Variants in POLK observed in about 807,000 individuals in gnomAD.
The protein encoded by POLK is DNA polymerase kappa.
A neutral mutation model predicts 94.0 loss-of-function variants in POLK; 76 were observed. The ratio of observed to expected loss-of-function variants is 0.81; its 90% CI spans 0.67 to 0.98. The LOEUF (loss-of-function observed/expected upper bound fraction) is 0.98. Among genes scored for constraint, POLK ranks in the 50% least tolerant of loss-of-function variants. The probability of loss-of-function intolerance (pLI) is 0.00; values close to 1 mark genes in which losing one functional copy is unlikely to be tolerated. For missense variants in POLK, 954 were observed against 1,010.1 expected (o/e 0.94, Z 0.75); for synonymous variants, 349 against 325.4 (o/e 1.07, Z -0.78).
chr5:75,565,559 G>T (rs947891218), intron 3 of POLK, among the ~76,000 whole-genome samples: 2 of 152,186 alleles, frequency 1.3e-5, no homozygotes, highest in Non-Finnish European at 2.9e-5. Flanking sequence ...CCTTTGAATG[G>T]CGTTTTTGCG....
intron 3 of POLK, among the ~76,000 whole-genome samples, chr5:75,563,570 G>A (rs1278381430): frequency 6.6e-6 from 1 of 152,168 alleles, no homozygotes; most frequent in African/African-American, 2.4e-5. Context: ...TGCTTTAGCT[G>A]TGTCCCAGAG....
intron 3 of POLK, among the ~76,000 whole-genome samples, chr5:75,555,236 A>G (rs1313309081): frequency 6.6e-6 from 1 of 152,126 alleles, no homozygotes; most frequent in Non-Finnish European, 1.5e-5. Context: ...AGTGAGGTGC[A>G]TCCACCATTA....
intron 1 of POLK, among the ~76,000 whole-genome samples, chr5:75,518,196 GTT>G (rs1433880846): frequency 2.6e-5 from 4 of 152,118 alleles, no homozygotes; most frequent in African/African-American, 7.2e-5. Context: ...TTTTGGAAGA[GTT>G]TGAGTAGAAG....
Position 75,597,737 on chromosome 5 carries a change from T to C in POLK, c.2486-10T>C. ...CATTATGGAATTTCTTGACTTTCTTTCCTCTAAAGGTAGCTCAAGTGGAGT... is the reference window on the plus strand; with the variant it reads ...CATTATGGAATTTCTTGACTTTCTTCCCTCTAAAGGTAGCTCAAGTGGAGT... On this transcript the variant is annotated splice_polypyrimidine_tract_variant and intron_variant, in intron 13 of 14. Transcript: ENST00000241436. The C allele has an allele frequency of 6.9e-7, 1 of 1,441,064 alleles. No individual in the cohort carries two copies. Among genetic ancestry groups the C allele is most frequent in the Non-Finnish European group, 9.3e-7 (1 of 1,077,604 alleles). The allele number at this position is 1,441,064 out of a possible 1,614,324, so 89.3% of individuals were successfully genotyped here.
intron 1 of POLK, among the ~76,000 whole-genome samples, chr5:75,520,180 TTAACTC>T (rs1312651613): frequency 1.3e-5 from 2 of 152,214 alleles, no homozygotes; most frequent in Admixed American, 6.5e-5. Flanking sequence ...CTTCTACACT[TTAACTC>T]TATCACCCCT....
chr5:75,585,860 C>G (rs1175826201), intron 9 of POLK, among the ~76,000 whole-genome samples: 1 of 152,116 alleles, frequency 6.6e-6, no homozygotes. Flanking sequence ...AATGAGGATG[C>G]ATATAAAATT....
At chr5:75,552,136 T>A (rs1024622583) in intron 2 of POLK, among the ~76,000 whole-genome samples, 3 of 152,156 alleles carry the variant, frequency 2.0e-5, no homozygotes, top group Admixed American at 2.0e-4. Context: ...TCCAACCCAC[T>A]AAGGCCTTTG....
intron 6 of POLK, among the ~76,000 whole-genome samples, chr5:75,580,995 A>G (rs1480797561): frequency 6.6e-6 from 1 of 151,994 alleles, no homozygotes; most frequent in Non-Finnish European, 1.5e-5. Context: ...GTGGAAATGG[A>G]TAATAGTCTT....
At chr5:75,553,230 T>A (rs1042789056) in intron 3 of POLK, among the ~76,000 whole-genome samples, 2 of 152,164 alleles carry the variant, frequency 1.3e-5, no homozygotes, top group Admixed American at 6.6e-5. Flanking sequence ...AATATCCAAG[T>A]TGCAGGGCAC....
upstream of POLK, chr5:75,511,292 G>T: frequency 6.4e-7 from 1 of 1,566,616 alleles, no homozygotes; most frequent in Non-Finnish European, 8.7e-7. Flanking sequence ...GTGAAGGGTC[G>T]GGGGATGGCG....
chr5:75,596,091 T>A (rs1219157468), intron 12 of POLK, 131 bp from the exon 13 acceptor site: 2 of 605,078 alleles, frequency 3.3e-6, no homozygotes, highest in East Asian at 2.7e-5. Flanking sequence ...ATACCAGCTT[T>A]GAAATGTTAC....
intron 4 of POLK, among the ~76,000 whole-genome samples, chr5:75,570,418 C>T (rs553935652): frequency 2.7e-4 from 41 of 152,272 alleles, no homozygotes; most frequent in African/African-American, 9.9e-4. Context: ...AAGTCACACC[C>T]ATTTATTTAT....
intron 1 of POLK, among the ~76,000 whole-genome samples, chr5:75,518,563 T>C (rs1233753490): frequency 6.6e-6 from 1 of 152,154 alleles, no homozygotes; most frequent in Non-Finnish European, 1.5e-5. Context: ...ATCTATCTTT[T>C]TGAAAAAACA....
intron 1 of POLK, among the ~76,000 whole-genome samples, chr5:75,527,705 G>T (rs1371335894): frequency 1.3e-5 from 2 of 151,938 alleles, no homozygotes; most frequent in African/African-American, 4.8e-5. Context: ...TTTTTATAAG[G>T]TATCTCAAAA....
chr5:75,586,476 G>A (rs957046505), intron 9 of POLK, among the ~76,000 whole-genome samples: 6 of 152,000 alleles, frequency 3.9e-5, no homozygotes, highest in African/African-American at 1.4e-4. Context: ...CAACTTTTTG[G>A]TTTTAACTAA....
At chr5:75,540,862 A>G (rs538384344) in intron 1 of POLK, among the ~76,000 whole-genome samples, 2 of 152,092 alleles carry the variant, frequency 1.3e-5, no homozygotes, top group East Asian at 1.9e-4. Context: ...GAAACAATCA[A>G]CTCCTATAAG....
chr5:75,595,506 T>C (rs1436200790), intron 12 of POLK, among the ~76,000 whole-genome samples: 1 of 152,126 alleles, frequency 6.6e-6, no homozygotes. Context: ...TACTGTGTGA[T>C]TCCAACCATA....
chr5:75,586,762 T>C (rs1461887032), intron 9 of POLK, among the ~76,000 whole-genome samples: 4 of 152,210 alleles, frequency 2.6e-5, no homozygotes, highest in Non-Finnish European at 4.4e-5. Flanking sequence ...AGTCAGGTTT[T>C]TAATAGAAGC....
chr5:75,596,667 G>A (rs1030801735), exon 13 of POLK: 5 of 1,613,970 alleles, frequency 3.1e-6, no homozygotes, highest in South Asian at 1.1e-5. Context: ...ACTTTAAAAT[G>A]TTCTCGTGTT....
Sources: gnomAD v4.1 joint callset for allele counts (sites outside exome capture counted in the v4.1 genomes callset) on GRCh38, gnomAD v4.1.1 for gene constraint, MANE v1.5 for transcripts, NCBI Gene and HGNC (gene_info 2026-07-23, HGNC 2026-07-21) for gene names.